GLT1D1: variants seen among roughly 807,000 people sequenced by gnomAD.
GLT1D1 encodes the protein glycosyltransferase 1 domain-containing protein 1.
A neutral mutation model predicts 28.7 loss-of-function variants in GLT1D1; 21 were observed. The observed-to-expected ratio is 0.73, with a 90% CI of 0.52 to 1.05. GLT1D1 has a LOEUF of 1.05. GLT1D1 is among the 50% of genes least tolerant of loss of function. GLT1D1 has a pLI of 0.00. For missense variants in GLT1D1, 343 were observed against 330.6 expected (o/e 1.04, Z -0.29); for synonymous variants, 147 against 124.8 (o/e 1.18, Z -1.19).
At chr12:128,896,643 G>A (rs1869668870) in intron 3 of GLT1D1, among the ~76,000 whole-genome samples, 1 of 137,898 alleles carries the variant, frequency 7.3e-6, no homozygotes, top group South Asian at 2.4e-4. Flanking sequence ...GCAGTGGCAT[G>A]ATCTTGGCTC....
chr12:128,866,861 TCCACCCA>T (rs1956541045), intron 1 of GLT1D1, among the ~76,000 whole-genome samples: 1 of 151,642 alleles, frequency 6.6e-6, no homozygotes, highest in South Asian at 2.1e-4. Context: ...CCTCAGGTCA[TCCACCCA>T]ATTCGGCCTC....
At chr12:128,980,715 G>A (rs567828422) in intron 7 of GLT1D1, among the ~76,000 whole-genome samples, 7 of 152,336 alleles carry the variant, frequency 4.6e-5, no homozygotes, top group South Asian at 2.1e-4. Context: ...GGGCCGGGGC[G>A]CATGGAAGCT....
chr12:128,978,234 T>G (rs1879976025), intron 7 of GLT1D1, among the ~76,000 whole-genome samples: 1 of 152,050 alleles, frequency 6.6e-6, no homozygotes, highest in African/African-American at 2.4e-5. Context: ...CTGAAACCTG[T>G]GTGAAACCTG....
chr12:128,947,521 T>C, intron 6 of GLT1D1, 63 bp downstream of exon 10: 3 of 1,571,886 alleles, frequency 1.9e-6, no homozygotes, highest in East Asian at 2.2e-5. Context: ...CCTTCTCCTA[T>C]TTACGGAGGT....
At chr12:128,874,505 C>T (rs1025303526) in intron 1 of GLT1D1, among the ~76,000 whole-genome samples, 2 of 100,990 alleles carry the variant, frequency 2.0e-5, no homozygotes, top group South Asian at 3.8e-4. Context: ...TTTTTTGAGA[C>T]AGGGTCTTGC....
chr12:128,857,485 A>C (rs1378621071), intron 1 of GLT1D1, among the ~76,000 whole-genome samples: 2 of 152,224 alleles, frequency 1.3e-5, no homozygotes, highest in East Asian at 3.8e-4. Flanking sequence ...AGAAAAAAGC[A>C]GAAGTTGCTT....
intron 2 of GLT1D1, among the ~76,000 whole-genome samples, chr12:128,879,223 T>C (rs1956942583): frequency 6.6e-6 from 1 of 152,120 alleles, no homozygotes; most frequent in Non-Finnish European, 1.5e-5. Flanking sequence ...ACGTGTGCCA[T>C]GGTGGTTTGC....
chr12:128,867,807 A>G (rs1956584354), intron 1 of GLT1D1, among the ~76,000 whole-genome samples: 1 of 152,212 alleles, frequency 6.6e-6, no homozygotes, highest in South Asian at 2.1e-4. Flanking sequence ...GAATCTCCCC[A>G]GAACTGGGAG....
At chr12:128,974,343 T>C (rs76571605) in intron 7 of GLT1D1, among the ~76,000 whole-genome samples, 29,043 of 151,944 alleles carry the variant, frequency 0.19, 3,270 homozygotes, top group Non-Finnish European at 0.27. Context: ...GCCACAGCAA[T>C]GCCTTTGAGC....
chr12:128,923,540 G>A (rs1366261044), intron 4 of GLT1D1, among the ~76,000 whole-genome samples: 1 of 137,720 alleles, frequency 7.3e-6, no homozygotes, highest in Non-Finnish European at 1.6e-5. Context: ...TTTTTTTTTT[G>A]AGATGGAGTC....
rs186087354 is a variant in GLT1D1 at position 128,942,322 on chromosome 12, C to G, written c.376-3004C>G. 3.3e-5 allele frequency among the ~76,000 whole-genome samples: 5 copies of G among 152,148 alleles called. No individual in the cohort carries two copies. The East Asian group carries it at 7.7e-4, about 23-fold the overall frequency. ...TCACAACATTTTTAGAAAGCACGTA[C>G]GATTAACATTTAAATAAGGCATTAT... On this transcript the variant is annotated intron_variant, in intron 4 of 7. Transcript: ENST00000281703.
chr12:128,959,458 T>A (rs559199035), intron 7 of GLT1D1, among the ~76,000 whole-genome samples: 2 of 10,214 alleles, frequency 2.0e-4, no homozygotes, highest in Non-Finnish European at 4.0e-4. Context: ...GAACGGCGGG[T>A]GGTGGGGGGG....
chr12:128,973,704 C>T lies in GLT1D1; in HGVS notation c.640-9225C>T, dbSNP rs575372222. On this transcript the variant is annotated intron_variant, in intron 7 of 7. Transcript: ENST00000281703. Reference sequence around the variant, plus strand: ...TCCTTCAAGATGCCCACCTTCTCCCCACCAACCCCCAAAGCACACCAGAGC... The same window carrying T: ...TCCTTCAAGATGCCCACCTTCTCCCTACCAACCCCCAAAGCACACCAGAGC... Among the ~76,000 whole-genome samples, 358 of 152,186 alleles carry T rather than the reference C, an allele frequency of 2.4e-3. 2 individuals are homozygous for T. Among genetic ancestry groups the T allele is most frequent in the African/African-American group, 8.0e-3 (331 of 41,520 alleles).
At chr12:128,980,244 G>GT (rs1880192458) in intron 7 of GLT1D1, among the ~76,000 whole-genome samples, 1 of 152,182 alleles carries the variant, frequency 6.6e-6, no homozygotes, top group Non-Finnish European at 1.5e-5. Context: ...TCAGCCCAGG[G>GT]TGTGTCTGCG....
chr12:128,937,964 G>C, intron 4 of GLT1D1, among the ~76,000 whole-genome samples: 1 of 152,174 alleles, frequency 6.6e-6, no homozygotes, highest in Non-Finnish European at 1.5e-5. Flanking sequence ...ATACGGACAC[G>C]GTTGGGGTAT....
At chr12:128,878,489 T>C (rs948502754) in intron 2 of GLT1D1, among the ~76,000 whole-genome samples, 6 of 152,276 alleles carry the variant, frequency 3.9e-5, no homozygotes, top group Non-Finnish European at 8.8e-5. Flanking sequence ...TGCTTCCATA[T>C]TTTTGCATCC....
At chr12:128,858,527 C>G (rs1057404058) in intron 1 of GLT1D1, among the ~76,000 whole-genome samples, 1 of 152,126 alleles carries the variant, frequency 6.6e-6, no homozygotes, top group African/African-American at 2.4e-5. Flanking sequence ...CCAAAATTAG[C>G]TGGGCGTGGT....
Position 128,923,375 on chromosome 12 carries a change from T to C in GLT1D1, c.376-21951T>C, listed in dbSNP as rs189093216. 3.7e-3 allele frequency among the ~76,000 whole-genome samples: 560 copies of C among 152,124 alleles called. 4 individuals carry two copies. The highest frequency in any genetic ancestry group is 6.0e-3 in the South Asian group (29 of 4,804). The stretch of plus-strand genomic sequence containing the variant: ...ATTGCATGCGTCGTGTACTGAGCTG[T>C]AATAAGCCACCGCAGGATGCACCAC... On this transcript the variant is annotated intron_variant, in intron 4 of 7. Coordinates refer to ENST00000281703, the MANE Select transcript of GLT1D1 (RefSeq NM_144669.3).
At chr12:128,926,282 A>G in intron 4 of GLT1D1, 77 bp from the exon 7 acceptor site, 1 of 569,206 alleles carries the variant, frequency 1.8e-6, no homozygotes, top group East Asian at 3.3e-5. Context: ...CCACTTCTGA[A>G]TGCATCTGTG....
Sources: gnomAD v4.1 joint callset for allele counts (sites outside exome capture counted in the v4.1 genomes callset) on GRCh38, gnomAD v4.1.1 for gene constraint, MANE v1.5 for transcripts, NCBI Gene and HGNC (gene_info 2026-07-23, HGNC 2026-07-21) for gene names.